Variants in PLXNB2 observed in about 807,000 individuals in gnomAD.
The protein encoded by PLXNB2 is plexin-B2.
In PLXNB2, 85 loss-of-function variants were observed where a neutral mutation model predicts 202.6. That is an observed-to-expected ratio of 0.42 (90% CI 0.35 to 0.50). PLXNB2 has a LOEUF of 0.50. PLXNB2 is among the 20% of genes least tolerant of loss of function. PLXNB2 has a pLI of 0.02. For missense variants in PLXNB2, 2,063 were observed against 2,586.2 expected (o/e 0.80, Z 4.39); for synonymous variants, 1,239 against 1,137.6 (o/e 1.09, Z -1.79).
At chr22:50,300,200 G>A (rs2067593258) in intron 1 of PLXNB2, 1 of 907,248 alleles carries the variant, frequency 1.1e-6, no homozygotes, top group African/African-American at 1.8e-5. Flanking sequence ...GCGGGTGGGA[G>A]TCTGACCCGA....
chr22:50,278,208 T>C lies in PLXNB2; in HGVS notation c.4796A>G (p.Asp1599Gly), dbSNP rs1276759347. The C allele has an allele frequency of 1.2e-6, 2 of 1,609,244 alleles. No individual in the cohort carries two copies. ...GCTGCCTCTCTTGGACTTGCCCTCG[T>C]CCACCTCGTCGGTCGGCCGCACCAG... ...WHLVRPTDEV[D>G]EGKSKRGSVK... The change falls in exon 31 of 37, where the codon GAC (aspartate) becomes GGC (glycine). Residue 1599 changes from aspartate to glycine, a missense_variant. Transcript: ENST00000359337.
intron 35 of PLXNB2, 45 bp from the exon 36 acceptor site, chr22:50,276,008 G>T: frequency 6.4e-7 from 1 of 1,571,620 alleles, no homozygotes; most frequent in Non-Finnish European, 8.7e-7. Flanking sequence ...GGCTGTGGGA[G>T]CCCCAGGGCT....
chr22:50,298,462 G>C (rs1228076514), intron 1 of PLXNB2, among the ~76,000 whole-genome samples: 1 of 152,158 alleles, frequency 6.6e-6, no homozygotes, highest in Admixed American at 6.5e-5. Context: ...CAAGAGGCAT[G>C]TAAGGGGGAA....
Position 50,280,897 on chromosome 22 carries a change from G to GT in PLXNB2, c.3839dup (p.Tyr1280Ter). The change falls in exon 24 of 37, where the codon TAC becomes TAAC. Residue 1280 changes from tyrosine to a stop codon, truncating the protein, a stop_gained and frameshift_variant. Coordinates refer to ENST00000359337, the MANE Select transcript of PLXNB2 (RefSeq NM_012401.4). LOFTEE classifies it high-confidence loss of function. ...AGGGCAGGAAGAAGACGCGGTCGGT[G>GT]TAGGTCTTGTAGTCCAGCACGGGGA... Reference protein sequence around the residue: ...AGIPVLDYKTYTDRVFFLPSK... With the variant: ...AGIPVLDYKT 6.2e-7 allele frequency: 1 copy of GT among 1,613,578 alleles called. No homozygotes were observed. Among genetic ancestry groups the GT allele is most frequent in the Non-Finnish European group, 8.5e-7 (1 of 1,179,970 alleles).
chr22:50,280,528 T>TGCTCCAGGA lies in PLXNB2; in HGVS notation c.4127_4135dup (p.Leu1376_Glu1378dup), dbSNP rs2065911722. 2.5e-6 allele frequency: 4 copies of TGCTCCAGGA among 1,611,398 alleles called. No individual in the cohort carries two copies. The highest frequency in any genetic ancestry group is 1.3e-5 in the African/African-American group (1 of 74,920). ...CTTGGGGTTCTTGGCCACCACGTACTGCTCCAGGAGCTCCAGGAAGAGCGT... is the reference window on the plus strand; with the variant it reads ...CTTGGGGTTCTTGGCCACCACGTACTGCTCCAGGAGCTCCAGGAGCTCCAGGAAGAGCGT... On this transcript the variant is annotated inframe_insertion, in exon 25 of 37. Transcript: ENST00000359337.
At chr22:50,293,336 C>T (rs949630091) in intron 2 of PLXNB2, among the ~76,000 whole-genome samples, 21 of 152,304 alleles carry the variant, frequency 1.4e-4, no homozygotes, top group Non-Finnish European at 1.9e-4. Context: ...AGGAGCAGCG[C>T]CTGCCCGAAG....
At chr22:50,292,981 C>T (rs1601742257) in intron 2 of PLXNB2, among the ~76,000 whole-genome samples, 1 of 152,184 alleles carries the variant, frequency 6.6e-6, no homozygotes, top group Non-Finnish European at 1.5e-5. Flanking sequence ...CCCAGGTGCC[C>T]ACGAGCACAG....
intron 18 of PLXNB2, 41 bp downstream of exon 18, chr22:50,282,670 G>A: frequency 7.0e-7 from 1 of 1,434,528 alleles, no homozygotes; most frequent in Non-Finnish European, 9.6e-7. Context: ...GAGGCAGCTG[G>A]GTGTGGGGAG....
chr22:50,283,532 C>G (rs1181538475), intron 15 of PLXNB2, 70 bp downstream of exon 15: 20 of 1,570,432 alleles, frequency 1.3e-5, no homozygotes, highest in African/African-American at 2.7e-5. Context: ...CCCCACCCAC[C>G]CAGTCACCCG....
At chr22:50,300,015 C>A (rs1054082653) in intron 1 of PLXNB2, among the ~76,000 whole-genome samples, 1 of 152,092 alleles carries the variant, frequency 6.6e-6, no homozygotes, top group African/African-American at 2.4e-5. Flanking sequence ...AGGGACTAGG[C>A]CCGCGCCTCC....
At chr22:50,286,141 C>A (rs751087981) in intron 9 of PLXNB2, 32 bp downstream of exon 9, 49 of 1,609,900 alleles carry the variant, frequency 3.0e-5, no homozygotes, top group Non-Finnish European at 4.1e-5. Context: ...GGTGGACGGG[C>A]AGGGTGGGGT....
intron 1 of PLXNB2, among the ~76,000 whole-genome samples, chr22:50,298,369 GT>G (rs938226591): frequency 4.0e-5 from 6 of 150,076 alleles, no homozygotes; most frequent in South Asian, 2.1e-4. Flanking sequence ...GGTCCCTTTT[GT>G]TTTTTTTTTC....
In PLXNB2 at chr22:50,283,132, T is replaced by C. The variant is rs1334623640; in HGVS notation, c.2734A>G (p.Thr912Ala). 1 of 1,598,890 alleles carries C rather than the reference T, an allele frequency of 6.3e-7. No homozygotes were observed. Residue 912 changes from threonine (T) to alanine (A), a missense_variant, in exon 17 of 37, where the codon ACA (threonine) becomes GCA (alanine). This residue lies in a region of PLXNB2 where 1,303 missense variants were observed against 1,476.8 expected (regional missense o/e 0.88). Transcript: ENST00000359337. ...PQQGPQAGGTTLTIHGTHLDT... is the reference protein window; with the variant it reads ...PQQGPQAGGTALTIHGTHLDT... ...AGGTGGGTGCCGTGGATGGTCAGTG[T>C]GGTGCCGCCCGCCTGCGGTCCCTGC...
At chr22:50,278,339 G>C in intron 30 of PLXNB2, 68 bp from the exon 31 acceptor site, 1 of 1,586,174 alleles carries the variant, frequency 6.3e-7, no homozygotes, top group East Asian at 2.2e-5. Flanking sequence ...GGGAGCAGTG[G>C]TGGCAGGGTG....
rs144108995 is a variant in PLXNB2 at position 50,286,075 on chromosome 22, C to G, written c.1901G>C (p.Arg634Pro). Residue 634 changes from arginine to proline, a missense_variant, in exon 10 of 37, where the codon CGC becomes CCC. Physicochemically the swap from Arg to Pro is moderately radical, Grantham distance 103. This residue lies in a region of PLXNB2 where 1,303 missense variants were observed against 1,476.8 expected (regional missense o/e 0.88). Coordinates refer to ENST00000359337, the MANE Select transcript of PLXNB2 (RefSeq NM_012401.4). The part of the protein sequence containing the change: ...NLPCISCVSN[R>P]WTCQWDLRYH... ...GCGCAGGTCCCACTGGCAGGTCCAG[C>G]GGTTGCTCACGCAGGAGATGCACCT... is the stretch of plus-strand genomic sequence containing the variant. The G allele has an allele frequency of 1.9e-6, 3 of 1,611,892 alleles. No homozygotes were observed. Among genetic ancestry groups the G allele is most frequent in the Non-Finnish European group, 2.5e-6 (3 of 1,179,950 alleles).
At chr22:50,277,494 T>C (rs1266643550) in intron 33 of PLXNB2, 97 bp downstream of exon 33, 5 of 1,277,494 alleles carry the variant, frequency 3.9e-6, no homozygotes, top group South Asian at 1.5e-5. Flanking sequence ...GCCCAAGATA[T>C]TCAAATCCAC....
At chr22:50,296,812 A>C (rs1450226322) in intron 1 of PLXNB2, among the ~76,000 whole-genome samples, 6 of 150,900 alleles carry the variant, frequency 4.0e-5, no homozygotes, top group Admixed American at 1.3e-4. Flanking sequence ...CTCTCCTCCC[A>C]CCCCACCGGG....
In PLXNB2 at chr22:50,284,125, C is replaced by A; in HGVS notation, c.2263+7G>T. ...TGCCCGCCCCCCACTGCGCCCGTGG[C>A]CCCCACCATGGAGCTTGCTGTCGAT... On this transcript the variant is annotated splice_region_variant and intron_variant, in intron 13 of 36. Coordinates refer to ENST00000359337, the MANE Select transcript of PLXNB2 (RefSeq NM_012401.4). The surrounding 1 kb of genome is among the most constrained non-coding windows in gnomAD (Gnocchi z 8.0). 1 of 1,526,298 alleles carries A rather than the reference C, an allele frequency of 6.6e-7. No homozygotes were observed. The allele number at this position is 1,526,298 out of a possible 1,614,324, so 94.5% of individuals were successfully genotyped here. A position where few individuals can be genotyped will look rare whatever the true frequency, so the allele number is the denominator to read the frequency against.
At chr22:50,276,522 CT>C (rs2065608278) in intron 35 of PLXNB2, 106 bp downstream of exon 35, 12 of 982,952 alleles carry the variant, frequency 1.2e-5, no homozygotes, top group Non-Finnish European at 2.0e-5. Context: ...CCCACCCTCT[CT>C]CCCCCTCAGC....
Sources: gnomAD v4.1 joint callset for allele counts (sites outside exome capture counted in the v4.1 genomes callset) on GRCh38, gnomAD v4.1.1 for gene constraint, gnomAD v4.1.1 regional missense constraint, Gnocchi (gnomAD v3.1) non-coding constraint, MANE v1.5 for transcripts, NCBI Gene and HGNC (gene_info 2026-07-23, HGNC 2026-07-21) for gene names.